Variants in FGF13 observed in about 807,000 individuals in gnomAD.
FGF13 encodes fibroblast growth factor homologous factor 2.
Under a neutral mutation model 19.5 loss-of-function variants are expected in FGF13, and 2 were observed. That is an observed-to-expected ratio of 0.10 (90% CI 0.04 to 0.32). The LOEUF is 0.32. Ranked by LOEUF, FGF13 falls within the 10% of genes least tolerant of loss-of-function variation. The pLI is 1.00. For synonymous variants in FGF13, 72 were observed against 76.9 expected (o/e 0.94, Z 0.33); for missense variants, 113 against 192.7 (o/e 0.59, Z 2.45).
At chrX:138,834,001 A>G (rs750555537) in intron 3 of FGF13, among the ~76,000 whole-genome samples, 1 of 112,024 alleles carries the variant, frequency 8.9e-6, no homozygotes, top group Non-Finnish European at 1.9e-5. Context: ...CATCCCAGAT[A>G]TAAAGCCTAC....
intron 1 of FGF13, among the ~76,000 whole-genome samples, chrX:139,024,841 G>A (rs1488923219): frequency 3.6e-5 from 4 of 110,769 alleles, no homozygotes; most frequent in African/African-American, 6.6e-5. Context: ...CATTATTCCC[G>A]GATCATTAAT....
intron 1 of FGF13, among the ~76,000 whole-genome samples, chrX:139,032,348 T>G (rs1223876511): frequency 8.9e-6 from 1 of 111,787 alleles, no homozygotes; most frequent in East Asian, 2.8e-4. Context: ...ACTTCCTTTT[T>G]ATAAAACCTT....
At chrX:138,852,473 A>C (rs763290592) in intron 3 of FGF13, among the ~76,000 whole-genome samples, 5 of 111,920 alleles carry the variant, frequency 4.5e-5, no homozygotes, top group Non-Finnish European at 9.4e-5. Context: ...CCTACTTAAT[A>C]AATGGTGCTG....
At chrX:138,723,645 G>C (rs923176695) in intron 1 of FGF13, among the ~76,000 whole-genome samples, 1 of 111,211 alleles carries the variant, frequency 9.0e-6, no homozygotes, top group African/African-American at 3.3e-5. Context: ...ACTTAATTAA[G>C]TCTCGAGGGG....
intron 1 of FGF13, among the ~76,000 whole-genome samples, chrX:138,735,221 T>TAA (rs2090264130): frequency 8.9e-6 from 1 of 112,013 alleles, no homozygotes; most frequent in Non-Finnish European, 1.9e-5. Flanking sequence ...AAAGAACACT[T>TAA]ATATTTTGTA....
chrX:138,739,121 C>A, intron 1 of FGF13: 1 of 469,406 alleles, frequency 2.1e-6, no homozygotes, highest in South Asian at 3.9e-5. Flanking sequence ...CCATCCAGAA[C>A]GAAAAATATC....
chrX:138,834,334 T>C (rs1039119473), intron 3 of FGF13, among the ~76,000 whole-genome samples: 4 of 111,493 alleles, frequency 3.6e-5, no homozygotes, highest in African/African-American at 9.8e-5. Context: ...GAACCTGCTA[T>C]TGGTCTGTTA....
chrX:138,705,048 C>T (rs1380375680), intron 2 of FGF13, among the ~76,000 whole-genome samples: 1 of 111,686 alleles, frequency 9.0e-6, no homozygotes, highest in East Asian at 2.8e-4. Context: ...AAAGCTCATA[C>T]TTCAAAAAAT....
chrX:138,641,226 G>C (rs987051310), intron 3 of FGF13, among the ~76,000 whole-genome samples: 1 of 112,426 alleles, frequency 8.9e-6, no homozygotes, highest in African/African-American at 3.2e-5. Context: ...GGCATTTAAA[G>C]AATGTTTCAT....
At position 138,631,611 on chromosome X, in the gene FGF13, T is replaced by G. The variant is rs2089116496; in HGVS notation, c.*1239A>C. 8.9e-6 allele frequency: 1 copy of G among 112,645 alleles called. No homozygotes were observed. Among genetic ancestry groups the G allele is most frequent in the African/African-American group, 3.2e-5 (1 of 30,931 alleles). The allele number at this position is 112,645 out of a possible 1,213,427, so 9.3% of individuals were successfully genotyped here. A position where few individuals can be genotyped will look rare whatever the true frequency, so the allele number is the denominator to read the frequency against. ...TATAAAGAGTTTATTCGGTGCGTATTTGGGTATACAACAACAAATATTAAA... is the reference window on the plus strand; with the variant it reads ...TATAAAGAGTTTATTCGGTGCGTATGTGGGTATACAACAACAAATATTAAA... On this transcript the variant is annotated 3_prime_UTR_variant, in exon 5 of 5. Transcript: ENST00000315930.
chrX:138,806,552 A>G (rs894544738), intron 3 of FGF13: 5 of 112,622 alleles, frequency 4.4e-5, no homozygotes, highest in African/African-American at 1.6e-4. Context: ...ACAGAAGAGT[A>G]TTTAAATTCA....
At chrX:138,996,057 G>T (rs758598540) in intron 1 of FGF13, among the ~76,000 whole-genome samples, 3 of 111,723 alleles carry the variant, frequency 2.7e-5, no homozygotes, top group African/African-American at 9.8e-5. Flanking sequence ...GTCTGGAGAG[G>T]GTCTGGCAAG....
At position 138,678,662 on chromosome X, in the gene FGF13, G is replaced by T. The variant is rs2089697926; in HGVS notation, c.402+24322C>A. 5.4e-5 allele frequency among the ~76,000 whole-genome samples: 6 copies of T among 111,414 alleles called. No individual in the cohort carries two copies. In the Admixed American group the frequency reaches 5.8e-4, roughly 11 times the overall value. ...GTAAAATCTTTGCTTTGAAATGATG[G>T]CAAACTTATATAACATGAACTTGAA... On this transcript the variant is annotated intron_variant, in intron 3 of 4. Coordinates refer to ENST00000315930, the MANE Select transcript of FGF13 (RefSeq NM_004114.5).
chrX:139,136,251 C>T (rs1202704107), intron 1 of FGF13, among the ~76,000 whole-genome samples: 1 of 111,013 alleles, frequency 9.0e-6, no homozygotes, highest in Admixed American at 9.6e-5. Context: ...CTTTTGGTTA[C>T]GTGGATGAAT....
intron 1 of FGF13, among the ~76,000 whole-genome samples, chrX:138,898,216 C>G (rs755832334): frequency 1.8e-5 from 2 of 111,917 alleles, no homozygotes; most frequent in African/African-American, 6.5e-5. Context: ...GTATGAACAG[C>G]ATTCCATTGC....
At chrX:139,125,149 A>G (rs2083706348) in intron 1 of FGF13, among the ~76,000 whole-genome samples, 1 of 112,030 alleles carries the variant, frequency 8.9e-6, no homozygotes, top group Non-Finnish European at 1.9e-5. Flanking sequence ...CAATTATGGA[A>G]GTTAAGGGGG....
At chrX:138,668,915 C>T (rs972203) in intron 3 of FGF13, among the ~76,000 whole-genome samples, 6 of 110,488 alleles carry the variant, frequency 5.4e-5, no homozygotes, top group South Asian at 7.7e-4. Context: ...CAGTCACTAG[C>T]GACATTAGCA....
intron 1 of FGF13, among the ~76,000 whole-genome samples, chrX:138,922,090 C>T (rs2091649543): frequency 9.1e-6 from 1 of 109,354 alleles, no homozygotes; most frequent in African/African-American, 3.3e-5. Context: ...ACTGGCTATG[C>T]TCCAAATAAA....
intron 1 of FGF13, among the ~76,000 whole-genome samples, chrX:139,053,117 T>A (rs2092308144): frequency 9.2e-6 from 1 of 109,158 alleles, no homozygotes; most frequent in Non-Finnish European, 1.9e-5. Context: ...TGGCTTCCCA[T>A]TCCTGAGTTA....
Sources: allele counts gnomAD v4.1 joint callset (sites outside exome capture counted in the v4.1 genomes callset), GRCh38; gene constraint gnomAD v4.1.1; transcripts MANE v1.5; gene names NCBI Gene and HGNC (gene_info 2026-07-23, HGNC 2026-07-21).